RELN: variants seen among roughly 807,000 people sequenced by gnomAD.
RELN encodes the protein reelin.
RELN carries 108 observed loss-of-function variants against 427.6 expected under a neutral mutation model. The ratio of observed to expected loss-of-function variants is 0.25; its 90% confidence interval spans 0.22 to 0.30. The LOEUF (loss-of-function observed/expected upper bound fraction) is 0.30, where lower values mean the gene tolerates loss of function less well. RELN is among the 10% of genes least tolerant of loss of function. The pLI, the probability that RELN is intolerant of heterozygous loss-of-function variation, is 1.00. For synonymous variants in RELN, 1,524 were observed against 1,513.4 expected, an observed-to-expected ratio of 1.01 and a Z score of -0.16; for missense variants, 3,715 against 4,302.8, an observed-to-expected ratio of 0.86 and a Z score of 3.82.
intron 3 of RELN, among the ~76,000 whole-genome samples, chr7:103,829,483 T>A (rs1220997905): frequency 6.6e-6 from 1 of 151,950 alleles, no homozygotes; most frequent in Non-Finnish European, 1.5e-5. Context: ...AAACAAACCA[T>A]ATTGCCACAG....
In RELN at chr7:103,476,464, C is replaced by T. The variant is rs183244747; in HGVS notation, c.10286+1925G>A. The stretch of plus-strand genomic sequence containing the variant: ...CACTGCACTCCAGCCTGGGGCGACA[C>T]GGTGAGACTCTGTCTCAAAAAACAA... On this transcript the variant is annotated intron_variant, in intron 64 of 64. Coordinates refer to ENST00000428762, the MANE Select transcript of RELN (RefSeq NM_005045.4). Among the ~76,000 whole-genome samples, 61 of 151,936 alleles carry T rather than the reference C, an allele frequency of 4.0e-4. No individual in the cohort carries two copies. In the East Asian group the frequency reaches 8.7e-3, roughly 22 times the overall value.
rs918685900 is a variant in RELN, at chr7:103,986,373, C to T, written c.226+2758G>A. Among the ~76,000 whole-genome samples the T allele has an allele frequency of 3.9e-5, 6 of 152,168 alleles. No individual in the cohort carries two copies. In the East Asian group the frequency reaches 9.6e-4, roughly 24 times the overall value. On this transcript the variant is annotated intron_variant, in intron 1 of 64. Coordinates refer to ENST00000428762, the MANE Select transcript of RELN (RefSeq NM_005045.4). ...AAATCTGTGACAATTCTGTTAGACT[C>T]GAAAGCTCCAGATTTTTTAGTACTA...
At chr7:103,785,499 G>A (rs978705121) in intron 3 of RELN, among the ~76,000 whole-genome samples, 2 of 152,092 alleles carry the variant, frequency 1.3e-5, no homozygotes, top group African/African-American at 2.4e-5. Flanking sequence ...TAGAAGAAGC[G>A]GAGTTTTGCT....
intron 1 of RELN, among the ~76,000 whole-genome samples, chr7:103,961,939 C>A (rs1348338329): frequency 1.3e-5 from 2 of 152,100 alleles, no homozygotes; most frequent in African/African-American, 4.8e-5. Context: ...TGTCTCATCA[C>A]CAACACAAAA....
At chr7:103,849,078 C>T (rs1282560306) in intron 2 of RELN, among the ~76,000 whole-genome samples, 5 of 152,180 alleles carry the variant, frequency 3.3e-5, no homozygotes, top group African/African-American at 1.2e-4. Flanking sequence ...TGTCTGACCC[C>T]AGATGATGGC....
chr7:103,741,539 C>T lies in RELN; in HGVS notation c.656+7887G>A, dbSNP rs539811538. On this transcript the variant is annotated intron_variant, in intron 6 of 64. Transcript: ENST00000428762. ...GATAGTCTAATGTACAAATATATCA[C>T]AAGAGAAAAAAAGGAGGATGGGAGG... Among the ~76,000 whole-genome samples, 14 of 149,008 alleles carry T rather than the reference C, an allele frequency of 9.4e-5. No homozygotes were observed. In the South Asian group the frequency reaches 3.0e-3, roughly 32 times the overall value.
In RELN at chr7:103,895,160, G is replaced by GT; in HGVS notation, c.337+21914dup. ...ATTATGCACTGGCAAGAAAAACAGT[G>GT]TTTCTTTCCAATTATCGCAGAACTC... On this transcript the variant is annotated intron_variant, in intron 2 of 64. Transcript: ENST00000428762. Among the ~76,000 whole-genome samples the GT allele has an allele frequency of 2.0e-5, 3 of 152,158 alleles. No individual in the cohort carries two copies. The East Asian group carries it at 5.8e-4, about 29-fold the overall frequency.
At chr7:103,761,533 A>T (rs1189079382) in intron 4 of RELN, among the ~76,000 whole-genome samples, 1 of 152,066 alleles carries the variant, frequency 6.6e-6, no homozygotes, top group Non-Finnish European at 1.5e-5. Context: ...GCTCACTGCA[A>T]TCTCAACCTC....
intron 60 of RELN, 93 bp from the exon 61 acceptor site, chr7:103,486,509 G>A (rs978867627): frequency 2.3e-6 from 2 of 879,740 alleles, no homozygotes; most frequent in Non-Finnish European, 3.6e-6. Flanking sequence ...TTAAGTAGTT[G>A]TTACTGTAAG....
rs540139894 is a variant in RELN at position 103,716,964 on chromosome 7, T to C, written c.805+6176A>G. 8.9e-4 allele frequency among the ~76,000 whole-genome samples: 135 copies of C among 152,274 alleles called. 1 individual carries two copies. The highest frequency in any genetic ancestry group is 6.8e-3 in the Middle Eastern group (2 of 294). On this transcript the variant is annotated intron_variant, in intron 8 of 64. Transcript: ENST00000428762. ...TCCTGTAGTTCACTGCTGTATTCCT[T>C]CTACTAGTACAGTCCCCCCAAAATG...
At chr7:103,656,727 G>C (rs1015927483) in intron 12 of RELN, among the ~76,000 whole-genome samples, 4 of 152,008 alleles carry the variant, frequency 2.6e-5, no homozygotes, top group African/African-American at 9.7e-5. Flanking sequence ...GTACTGTATG[G>C]ATCAGGGTTT....
chr7:103,935,522 C>G (rs774350536), intron 1 of RELN, among the ~76,000 whole-genome samples: 2 of 152,026 alleles, frequency 1.3e-5, no homozygotes, highest in African/African-American at 2.4e-5. Flanking sequence ...AGACTCTGTC[C>G]TAGGCCCTCT....
intron 1 of RELN, among the ~76,000 whole-genome samples, chr7:103,954,404 G>A (rs1034343442): frequency 1.3e-5 from 2 of 152,118 alleles, no homozygotes; most frequent in Non-Finnish European, 2.9e-5. Context: ...ATGAGTTTGT[G>A]AGGGTGTGTG....
intron 31 of RELN, among the ~76,000 whole-genome samples, chr7:103,568,142 A>AATTTTTTTT (rs1830802812): frequency 6.6e-6 from 1 of 152,048 alleles, no homozygotes; most frequent in Non-Finnish European, 1.5e-5. Context: ...GCTATACACA[A>AATTTTTTTT]CCTTTCTGTT....
At chr7:103,763,571 G>A (rs537043609) in intron 4 of RELN, among the ~76,000 whole-genome samples, 2 of 152,318 alleles carry the variant, frequency 1.3e-5, no homozygotes, top group East Asian at 1.9e-4. Flanking sequence ...CTTTAAGGAT[G>A]AGCGCAACTT....
At chr7:103,628,967 T>C (rs529771577) in intron 20 of RELN, among the ~76,000 whole-genome samples, 2 of 152,264 alleles carry the variant, frequency 1.3e-5, no homozygotes, top group South Asian at 4.2e-4. Flanking sequence ...CACTACCTGG[T>C]CTCCAGGACA....
intron 1 of RELN, among the ~76,000 whole-genome samples, chr7:103,970,466 ATTTCTTTTTCTT>A (rs1796741122): frequency 6.6e-6 from 1 of 151,596 alleles, no homozygotes; most frequent in Admixed American, 6.6e-5. Context: ...ATTTAGTGCT[ATTTCTTTTTCTT>A]TTTCTTTTTT....
At position 103,515,404 on chromosome 7, in the gene RELN, T is replaced by C; in HGVS notation, c.7900A>G (p.Ile2634Val). 6.2e-7 allele frequency: 1 copy of C among 1,614,102 alleles called. No individual in the cohort carries two copies. Among genetic ancestry groups the C allele is most frequent in the Non-Finnish European group, 8.5e-7 (1 of 1,180,004 alleles). ...TGCCACCAGCGGAAGCGAGTGGCAATCTCTTTAGCATCAGGAGGGAGAAGG... is the reference window on the plus strand; with the variant it reads ...TGCCACCAGCGGAAGCGAGTGGCAACCTCTTTAGCATCAGGAGGGAGAAGG... Reference protein sequence around the residue: ...NILLPPDAKEIATRFRWWQPR... With the variant: ...NILLPPDAKEVATRFRWWQPR... Residue 2634 changes from isoleucine to valine, a missense_variant, in exon 50 of 65, where the codon ATT (isoleucine) becomes GTT (valine). Coordinates refer to ENST00000428762, the MANE Select transcript of RELN (RefSeq NM_005045.4).
At chr7:103,636,539 G>C (rs902447219) in intron 17 of RELN, 71 bp from the exon 18 acceptor site, 2 of 988,402 alleles carry the variant, frequency 2.0e-6, no homozygotes, top group African/African-American at 3.2e-5. Context: ...CTACTTTGGG[G>C]AGGAAGAAGT....
Sources: gnomAD v4.1 joint callset for allele counts (sites outside exome capture counted in the v4.1 genomes callset) on GRCh38, gnomAD v4.1.1 for gene constraint, MANE v1.5 for transcripts, NCBI Gene and HGNC (gene_info 2026-07-23, HGNC 2026-07-21) for gene names.